CACNA1A: variants seen among roughly 807,000 people sequenced by gnomAD.
CACNA1A encodes voltage-dependent P/Q-type calcium channel subunit alpha-1A.
In CACNA1A, 57 loss-of-function variants were observed where a neutral mutation model predicts 262.4. The observed-to-expected ratio is 0.22, with a 90% CI of 0.18 to 0.27. CACNA1A has a LOEUF of 0.27. CACNA1A is among the 10% of genes least tolerant of loss of function. The pLI is 1.00. For missense variants in CACNA1A, 2,526 were observed against 3,562.8 expected, an observed-to-expected ratio of 0.71 and a Z score of 7.41; for synonymous variants, 1,431 against 1,419.3, an observed-to-expected ratio of 1.01 and a Z score of -0.18.
chr19:13,340,424 AT>A (rs34472942), intron 6 of CACNA1A, among the ~76,000 whole-genome samples: 36,180 of 111,876 alleles, frequency 0.32, 4,467 homozygotes, highest in East Asian at 0.38. Flanking sequence ...AGAGAGGTCT[AT>A]TTTTTTTTTT....
chr19:13,298,793 G>A lies in CACNA1A; in HGVS notation c.2840C>T (p.Pro947Leu), dbSNP rs756038056. 3.2e-6 allele frequency: 5 copies of A among 1,545,536 alleles called. No individual in the cohort carries two copies. Among genetic ancestry groups the A allele is most frequent in the Non-Finnish European group, 8.6e-7 (1 of 1,156,958 alleles). Residue 947 changes from proline (P) to leucine (L), a missense_variant, in exon 19 of 47, where the codon CCG becomes CTG. Coordinates refer to ENST00000360228, the MANE Select transcript of CACNA1A (RefSeq NM_001127222.2). Reference sequence around the variant, plus strand: ...ATGCTCCCCGTCCGCGCCCGTGCGCGGGGACCCGCTGCGGCTCTCCCTGCT... The same window carrying A: ...ATGCTCCCCGTCCGCGCCCGTGCGCAGGGACCCGCTGCGGCTCTCCCTGCT... The part of the protein sequence containing the change: ...GGSRESRSGS[P>L]RTGADGEHRR...
chr19:13,266,409 T>C (rs1359822245), intron 24 of CACNA1A, among the ~76,000 whole-genome samples: 1 of 151,978 alleles, frequency 6.6e-6, no homozygotes, highest in Non-Finnish European at 1.5e-5. Flanking sequence ...GAATACATGT[T>C]GATAGAAAAA....
intron 38 of CACNA1A, among the ~76,000 whole-genome samples, chr19:13,218,148 T>C (rs1309346347): frequency 1.3e-5 from 2 of 151,998 alleles, no homozygotes; most frequent in Non-Finnish European, 2.9e-5. Flanking sequence ...TGGAGTGCAA[T>C]GGTGCGATCT....
intron 1 of CACNA1A, among the ~76,000 whole-genome samples, chr19:13,481,093 AG>A (rs34667891): frequency 6.6e-6 from 1 of 152,118 alleles, no homozygotes; most frequent in Non-Finnish European, 1.5e-5. Flanking sequence ...CCCACCCCTC[AG>A]GGCACTGAAA....
At position 13,479,111 on chromosome 19, in the gene CACNA1A, T is replaced by C. The variant is rs947547510; in HGVS notation, c.294-23899A>G. 1.8e-4 allele frequency among the ~76,000 whole-genome samples: 27 copies of C among 151,726 alleles called. 1 individual carries two copies. On this transcript the variant is annotated intron_variant, in intron 1 of 46. Transcript: ENST00000360228. ...CTCACTTGAATCCGGGAGGTGGAGG[T>C]TGCAGTGAGCCCAGATCGTGCCACC... is the stretch of plus-strand genomic sequence containing the variant.
intron 3 of CACNA1A, among the ~76,000 whole-genome samples, chr19:13,413,894 A>AAAAG (rs1491545630): frequency 0.014 from 1,251 of 86,714 alleles, 85 homozygotes; most frequent in East Asian, 0.068. Flanking sequence ...AGAAAGAAAG[A>AAAAG]AAAAGAAAGA....
At chr19:13,503,796 A>G (rs1388124624) in intron 1 of CACNA1A, among the ~76,000 whole-genome samples, 1 of 152,114 alleles carries the variant, frequency 6.6e-6, no homozygotes, top group African/African-American at 2.4e-5. Context: ...AACAGTCTGC[A>G]GAGAGCATAA....
At chr19:13,422,266 A>G (rs2060327807) in intron 3 of CACNA1A, among the ~76,000 whole-genome samples, 1 of 152,198 alleles carries the variant, frequency 6.6e-6, no homozygotes, top group Non-Finnish European at 1.5e-5. Flanking sequence ...GGCTGCAGTG[A>G]GCTGTGACTG....
intron 3 of CACNA1A, among the ~76,000 whole-genome samples, chr19:13,413,009 G>A (rs2060138673): frequency 6.6e-6 from 1 of 152,122 alleles, no homozygotes; most frequent in Admixed American, 6.5e-5. Context: ...CCAAGGCTTT[G>A]GGAGGCACAG....
intron 43 of CACNA1A, chr19:13,211,703 T>G: frequency 1.3e-5 from 3 of 235,224 alleles, no homozygotes; most frequent in Non-Finnish European, 1.7e-5. Context: ...TGTGTGTGCA[T>G]GTATGTTGAG....
rs1173266790 is a variant in CACNA1A at position 13,209,432 on chromosome 19, C to G, written c.6406G>C (p.Asp2136His). The change falls in exon 45 of 47, where the codon GAC (aspartate) becomes CAC (histidine). Residue 2136 changes from aspartate (D) to histidine (H), a missense_variant. Physicochemically the swap from Asp to His is moderately conservative, Grantham distance 81. This residue lies in a region of CACNA1A where 929 missense variants were observed against 868.1 expected (regional missense o/e 1.07). Coordinates refer to ENST00000360228, the MANE Select transcript of CACNA1A (RefSeq NM_001127222.2). The stretch of plus-strand genomic sequence containing the variant: ...GGGACCCGCTCCAGCGAGTAATCGT[C>G]CAGGCGTCGGGCCTTGGGGCCCAGC... ...SVLGPKARRL[D>H]DYSLERVPPE... 2 of 1,387,698 alleles carry G rather than the reference C, an allele frequency of 1.4e-6. No homozygotes were observed. The highest frequency in any genetic ancestry group is 9.4e-7 in the Non-Finnish European group (1 of 1,066,558). The allele number at this position is 1,387,698 out of a possible 1,614,324, so 86.0% of individuals were successfully genotyped here.
chr19:13,255,724 T>C (rs1018816088), intron 28 of CACNA1A, among the ~76,000 whole-genome samples: 1,358 of 24,648 alleles, frequency 0.055, 52 homozygotes, highest in African/African-American at 0.16. Flanking sequence ...TCCCTCCTTC[T>C]CTCCCTCCCT....
chr19:13,235,167 C>G (rs975278730), intron 33 of CACNA1A, 42 bp downstream of exon 33: 1 of 1,601,116 alleles, frequency 6.2e-7, no homozygotes, highest in Non-Finnish European at 8.5e-7. Flanking sequence ...GGTGGCTGCC[C>G]TCCTTGGGAG....
At chr19:13,296,210 A>G (rs1358965080) in intron 19 of CACNA1A, among the ~76,000 whole-genome samples, 1 of 152,212 alleles carries the variant, frequency 6.6e-6, no homozygotes, top group East Asian at 1.9e-4. Context: ...GCCCTACGGA[A>G]TTACAATTTG....
At chr19:13,446,996 A>G (rs1309649576) in intron 3 of CACNA1A, among the ~76,000 whole-genome samples, 1 of 152,158 alleles carries the variant, frequency 6.6e-6, no homozygotes, top group Non-Finnish European at 1.5e-5. Flanking sequence ...AATGTGCCTC[A>G]TTTGAAGGAG....
chr19:13,506,039 G>A lies in CACNA1A; in HGVS notation c.186C>T (p.Tyr62=). ...AGTTCTGTCGGACGGGGATGGGGTT[G>A]TAGAGTGCCATGGTCCGCGCTCTCT... is the stretch of plus-strand genomic sequence containing the variant. ...MAQRARTMAL[Y]NPIPVRQNCL... Residue 62 remains tyrosine, a synonymous_variant, in exon 1 of 47, where the codon TAC becomes TAT. Coordinates refer to ENST00000360228, the MANE Select transcript of CACNA1A (RefSeq NM_001127222.2). 2 of 1,613,970 alleles carry A rather than the reference G, an allele frequency of 1.2e-6. No individual in the cohort carries two copies. The highest frequency in any genetic ancestry group is 1.1e-5 in the South Asian group (1 of 91,076).
chr19:13,490,742 AAG>A (rs770721707), intron 1 of CACNA1A, among the ~76,000 whole-genome samples: 3 of 150,612 alleles, frequency 2.0e-5, no homozygotes, highest in Middle Eastern at 3.4e-3. Context: ...AGAGAAAAGA[AAG>A]AAAGAAAAGA....
chr19:13,271,022 T>G (rs1568481161), intron 24 of CACNA1A, among the ~76,000 whole-genome samples: 2 of 152,240 alleles, frequency 1.3e-5, no homozygotes, highest in East Asian at 3.9e-4. Context: ...TCAAAATGGA[T>G]TTTCAAGAGT....
At chr19:13,453,089 T>C (rs2060944526) in intron 2 of CACNA1A, 74 bp from the exon 3 acceptor site, 1 of 1,483,470 alleles carries the variant, frequency 6.7e-7, no homozygotes, top group Admixed American at 1.7e-5. Context: ...CCAGCCCACC[T>C]AGAAATCAGT....
Sources: gnomAD v4.1 joint callset for allele counts (sites outside exome capture counted in the v4.1 genomes callset) on GRCh38, gnomAD v4.1.1 for gene constraint, gnomAD v4.1.1 regional missense constraint, MANE v1.5 for transcripts, NCBI Gene and HGNC (gene_info 2026-07-23, HGNC 2026-07-21) for gene names.